Variants in FOXP2 observed in about 807,000 individuals in gnomAD.
FOXP2 encodes forkhead box P2, also known as forkhead box protein P2.
Under a neutral mutation model 115.8 loss-of-function variants are expected in FOXP2, and 12 were observed. The ratio of observed to expected loss-of-function variants is 0.10; its 90% confidence interval spans 0.07 to 0.17. The LOEUF (loss-of-function observed/expected upper bound fraction) is 0.17. FOXP2 is among the 10% of genes least tolerant of loss of function. The pLI, the probability that FOXP2 is intolerant of heterozygous loss-of-function variation, is 1.00. For missense variants in FOXP2, 629 were observed against 843.5 expected, an observed-to-expected ratio of 0.75 and a Z score of 3.15; for synonymous variants, 328 against 297.7, an observed-to-expected ratio of 1.10 and a Z score of -1.05.
intron 3 of FOXP2, among the ~76,000 whole-genome samples, chr7:114,553,866 C>T (rs946503802): frequency 3.9e-5 from 6 of 152,090 alleles, no homozygotes; most frequent in African/African-American, 1.4e-4. Flanking sequence ...TGCAAACACA[C>T]TTTCAGATAA....
chr7:114,512,750 G>C (rs966287664), intron 2 of FOXP2, among the ~76,000 whole-genome samples: 1 of 152,114 alleles, frequency 6.6e-6, no homozygotes, highest in African/African-American at 2.4e-5. Flanking sequence ...TGAGGAAAAT[G>C]AAAGAAAATA....
chr7:114,566,326 G>A (rs769580673), intron 3 of FOXP2, among the ~76,000 whole-genome samples: 84 of 152,174 alleles, frequency 5.5e-4, no homozygotes, highest in Non-Finnish European at 2.1e-4. Flanking sequence ...CAAATCTCAT[G>A]TTGAAATTTG....
intron 1 of FOXP2, among the ~76,000 whole-genome samples, chr7:114,252,833 A>G (rs1466230350): frequency 2.0e-5 from 3 of 152,126 alleles, no homozygotes; most frequent in Non-Finnish European, 2.9e-5. Context: ...GCCTTCTGCT[A>G]GCTTTTGAAT....
chr7:114,466,397 ATGTC>A (rs565399352), intron 2 of FOXP2, among the ~76,000 whole-genome samples: 59 of 152,186 alleles, frequency 3.9e-4, no homozygotes, highest in Non-Finnish European at 6.9e-4. Flanking sequence ...CTTTGTTCAG[ATGTC>A]TAAGTATCAA....
At chr7:114,395,272 G>T (rs1792710722) in intron 2 of FOXP2, among the ~76,000 whole-genome samples, 1 of 152,112 alleles carries the variant, frequency 6.6e-6, no homozygotes, top group South Asian at 2.1e-4. Flanking sequence ...GCTTGAGTGG[G>T]TCAACCCAAA....
At chr7:114,613,157 T>A (rs1324237517) in intron 3 of FOXP2, among the ~76,000 whole-genome samples, 1 of 152,230 alleles carries the variant, frequency 6.6e-6, no homozygotes, top group African/African-American at 2.4e-5. Flanking sequence ...ATGTGCATCA[T>A]AACTGCATTT....
chr7:114,225,201 T>C (rs1369572921), intron 1 of FOXP2, among the ~76,000 whole-genome samples: 1 of 152,134 alleles, frequency 6.6e-6, no homozygotes, highest in Non-Finnish European at 1.5e-5. Flanking sequence ...TGCTTCTTAC[T>C]TTAACAATTT....
chr7:114,198,490 A>T (rs777157123), intron 1 of FOXP2, among the ~76,000 whole-genome samples: 2 of 152,202 alleles, frequency 1.3e-5, no homozygotes, highest in African/African-American at 4.8e-5. Context: ...ATCATCAGGC[A>T]TTAATTAGAT....
chr7:114,450,607 C>T (rs974034637), intron 2 of FOXP2, among the ~76,000 whole-genome samples: 1 of 151,906 alleles, frequency 6.6e-6, no homozygotes, highest in African/African-American at 2.4e-5. Context: ...GAGGTCATAC[C>T]GCTGTGATGT....
chr7:114,493,641 C>T (rs1044433544), intron 2 of FOXP2, among the ~76,000 whole-genome samples: 1 of 152,004 alleles, frequency 6.6e-6, no homozygotes, highest in African/African-American at 2.4e-5. Context: ...TTATCTCACA[C>T]GCACCCACAC....
intron 2 of FOXP2, among the ~76,000 whole-genome samples, chr7:114,360,604 C>G (rs563551068): frequency 1.3e-5 from 2 of 152,018 alleles, no homozygotes; most frequent in Non-Finnish European, 2.9e-5. Context: ...TCTTCTTAAC[C>G]CAGGAAGTTT....
intron 3 of FOXP2, among the ~76,000 whole-genome samples, chr7:114,599,094 G>A (rs1802879323): frequency 2.0e-5 from 3 of 151,982 alleles, no homozygotes; most frequent in Admixed American, 2.0e-4. Flanking sequence ...TACTGCCTGG[G>A]ACTTCCAGTA....
chr7:114,408,541 A>G (rs1793089485), intron 2 of FOXP2, among the ~76,000 whole-genome samples: 3 of 152,114 alleles, frequency 2.0e-5, no homozygotes, highest in Non-Finnish European at 2.9e-5. Context: ...AGCCTGGCCA[A>G]TATGGTGAAA....
chr7:114,144,024 T>C lies in FOXP2; in HGVS notation c.-246-18920T>C, dbSNP rs1052477069. 8.5e-5 allele frequency among the ~76,000 whole-genome samples: 13 copies of C among 152,250 alleles called. No individual in the cohort carries two copies. In the South Asian group the frequency reaches 1.0e-3, roughly 12 times the overall value. ...TTGATCTTTGCCCACAGTGCAAAGA[T>C]CAAATGCAGTAGTTGAGATATTCAA... is the stretch of plus-strand genomic sequence containing the variant. On this transcript the variant is annotated intron_variant, in intron 1 of 19. Transcript: ENST00000635638.
At chr7:114,428,205 T>C (rs1370236281) in intron 2 of FOXP2, among the ~76,000 whole-genome samples, 2 of 151,606 alleles carry the variant, frequency 1.3e-5, no homozygotes, top group East Asian at 3.9e-4. Flanking sequence ...ATAGTAATTG[T>C]AAATGAACAT....
rs546535078 is a variant in FOXP2, at chr7:114,327,526, G to A, written c.-11+39417G>A. ...GTTTTCTTTTTTTTTTTTCAAGATG[G>A]AGTCTTGCTCTGTTGCCCAGGCTGG... On this transcript the variant is annotated intron_variant, in intron 2 of 17. Coordinates refer to the FOXP2 transcript ENST00000634411. 1.9e-4 allele frequency among the ~76,000 whole-genome samples: 29 copies of A among 150,696 alleles called. 1 individual carries two copies. The highest frequency in any genetic ancestry group is 1.4e-3 in the East Asian group (7 of 5,148).
intron 1 of FOXP2, among the ~76,000 whole-genome samples, chr7:114,132,541 TTGTGTGTGTGTGTGTG>T (rs145500210): frequency 1.7e-4 from 15 of 90,636 alleles, no homozygotes; most frequent in African/African-American, 7.9e-4. Context: ...AAAAGATAAA[TTGTGTGTGTGTGTGTG>T]TGTGTGTGTG....
At chr7:114,580,349 G>A (rs747353682) in intron 3 of FOXP2, among the ~76,000 whole-genome samples, 5 of 152,108 alleles carry the variant, frequency 3.3e-5, no homozygotes, top group Non-Finnish European at 5.9e-5. Flanking sequence ...AGGCTGAGGC[G>A]GGTGGATCAC....
intron 2 of FOXP2, among the ~76,000 whole-genome samples, chr7:114,308,452 T>G (rs1797068772): frequency 6.6e-6 from 1 of 152,128 alleles, no homozygotes; most frequent in Non-Finnish European, 1.5e-5. Context: ...TCCTAAATTT[T>G]CAAAACAGGT....
Sources: allele counts gnomAD v4.1 joint callset (sites outside exome capture counted in the v4.1 genomes callset), GRCh38; gene constraint gnomAD v4.1.1; transcripts MANE v1.5; gene names NCBI Gene and HGNC (gene_info 2026-07-23, HGNC 2026-07-21).